DAB1: variants seen among roughly 807,000 people sequenced by gnomAD.
DAB1 encodes the protein disabled homolog 1.
DAB1 carries 15 observed loss-of-function variants against 64.6 expected under a neutral mutation model. That is an observed-to-expected ratio of 0.23 (90% confidence interval 0.16 to 0.36). The LOEUF (loss-of-function observed/expected upper bound fraction) is 0.36, where lower values mean the gene tolerates loss of function less well. Ranked by LOEUF, DAB1 falls within the 10% of genes least tolerant of loss-of-function variation. The pLI is 1.00. For missense variants in DAB1, 596 were observed against 706.7 expected (o/e 0.84, Z 1.78); for synonymous variants, 235 against 251.9 (o/e 0.93, Z 0.64).
downstream of DAB1, among the ~76,000 whole-genome samples, chr1:57,824,159 C>T (rs1441292634): frequency 1.3e-5 from 2 of 152,178 alleles, no homozygotes; most frequent in Middle Eastern, 3.2e-3. Flanking sequence ...GAGCTGAAGG[C>T]AGGAAGTTTA....
intron 5 of DAB1, among the ~76,000 whole-genome samples, chr1:58,053,352 G>A (rs894581487): frequency 2.6e-5 from 4 of 152,134 alleles, no homozygotes; most frequent in Admixed American, 6.5e-5. Context: ...GGCTGCTTCC[G>A]CACATGGCAG....
chr1:57,345,035 G>A (rs1397800614), intron 1 of DAB1, among the ~76,000 whole-genome samples: 1 of 152,160 alleles, frequency 6.6e-6, no homozygotes, highest in Non-Finnish European at 1.5e-5. Flanking sequence ...TGTTTATCTG[G>A]ATGCTCCTGG....
At chr1:57,634,022 C>T (rs983101650) in intron 7 of DAB1, among the ~76,000 whole-genome samples, 2 of 152,180 alleles carry the variant, frequency 1.3e-5, no homozygotes, top group Admixed American at 6.5e-5. Context: ...CCATGGCTGG[C>T]GCATCCTGGA....
At chr1:57,565,812 C>T (rs1645112987) in intron 7 of DAB1, among the ~76,000 whole-genome samples, 1 of 152,102 alleles carries the variant, frequency 6.6e-6, no homozygotes, top group African/African-American at 2.4e-5. Context: ...TTAAGACTCC[C>T]ACACAATAAT....
At chr1:57,595,100 C>G (rs1419256939) in intron 7 of DAB1, among the ~76,000 whole-genome samples, 1 of 152,024 alleles carries the variant, frequency 6.6e-6, no homozygotes, top group Non-Finnish European at 1.5e-5. Flanking sequence ...CTACCCACTT[C>G]CATTAAGTAA....
intron 4 of DAB1, among the ~76,000 whole-genome samples, chr1:57,129,079 G>A (rs1392355810): frequency 6.6e-6 from 1 of 152,118 alleles, no homozygotes; most frequent in Non-Finnish European, 1.5e-5. Flanking sequence ...GCATGTAAAA[G>A]CAACTAGCTT....
chr1:58,419,504 G>A lies in DAB1; in HGVS notation n.258-76101C>T, dbSNP rs111694368. Among the ~76,000 whole-genome samples the A allele has an allele frequency of 1.6e-3, 237 of 152,198 alleles. 1 individual carries two copies. The highest frequency in any genetic ancestry group is 5.5e-3 in the African/African-American group (227 of 41,512). ...GAATAAACCACTCTCATTTCAATGT[G>A]AAGTATACTTTACTGGAAGTCAAGA... is the stretch of plus-strand genomic sequence containing the variant. On this transcript the variant is annotated intron_variant and non_coding_transcript_variant, in intron 3 of 20. Transcript: ENST00000485760.
intron 1 of DAB1, among the ~76,000 whole-genome samples, chr1:57,365,355 A>T (rs1305597997): frequency 7.0e-6 from 1 of 143,576 alleles, no homozygotes; most frequent in African/African-American, 2.5e-5. Context: ...ATATATATTT[A>T]TATATTATAT....
intron 6 of DAB1, among the ~76,000 whole-genome samples, chr1:57,811,175 G>A (rs1651601091): frequency 6.6e-6 from 1 of 152,214 alleles, no homozygotes; most frequent in Non-Finnish European, 1.5e-5. Flanking sequence ...TCTGCAAAGT[G>A]TCTTTTGCCC....
Position 58,538,978 on chromosome 1 carries a change from C to T in DAB1, n.32+7725G>A, listed in dbSNP as rs753023200. The T allele has an allele frequency of 1.3e-5, 11 of 872,664 alleles. No homozygotes were observed. The South Asian group carries it at 1.3e-4, about 10-fold the overall frequency. The allele number at this position is 872,664 out of a possible 1,614,324, so 54.1% of individuals were successfully genotyped here. ...TGTAACTTCTTTTATTAGCAGCTGT[C>T]TTGAAAAAGCATCATTCCATACAGT... On this transcript the variant is annotated intron_variant and non_coding_transcript_variant, in intron 1 of 20. Transcript: ENST00000485760.
intron 4 of DAB1, among the ~76,000 whole-genome samples, chr1:58,151,198 G>A (rs1261487093): frequency 6.6e-6 from 1 of 152,198 alleles, no homozygotes; most frequent in South Asian, 2.1e-4. Flanking sequence ...AATCCTTTGG[G>A]TATATGCCCA....
At chr1:57,391,429 C>T (rs1570433455) in intron 1 of DAB1, among the ~76,000 whole-genome samples, 1 of 152,118 alleles carries the variant, frequency 6.6e-6, no homozygotes, top group African/African-American at 2.4e-5. Context: ...GCAATTGAGT[C>T]ATGTTAACCT....
At chr1:58,201,020 T>TTG (rs906519360) in intron 4 of DAB1, among the ~76,000 whole-genome samples, 10 of 140,904 alleles carry the variant, frequency 7.1e-5, no homozygotes, top group African/African-American at 2.7e-4. Context: ...TTTGTTTGTT[T>TTG]TGTTTTTTTT....
intron 7 of DAB1, among the ~76,000 whole-genome samples, chr1:57,488,616 C>A (rs974541295): frequency 6.6e-6 from 1 of 151,568 alleles, no homozygotes; most frequent in Non-Finnish European, 1.5e-5. Context: ...GTGGAGGTTG[C>A]GGTGAGCCAA....
chr1:57,574,889 G>T (rs933596072), intron 7 of DAB1, among the ~76,000 whole-genome samples: 3 of 152,186 alleles, frequency 2.0e-5, no homozygotes, highest in African/African-American at 7.2e-5. Flanking sequence ...CTTTAGGACT[G>T]ATGGGCAGGG....
intron 4 of DAB1, among the ~76,000 whole-genome samples, chr1:57,122,733 C>G (rs1656773366): frequency 6.6e-6 from 1 of 152,092 alleles, no homozygotes; most frequent in Non-Finnish European, 1.5e-5. Flanking sequence ...TTCAATAAAC[C>G]TGTTCTCCAT....
chr1:57,412,984 A>G (rs915840215), intron 1 of DAB1, among the ~76,000 whole-genome samples: 2 of 152,206 alleles, frequency 1.3e-5, no homozygotes, highest in Non-Finnish European at 2.9e-5. Context: ...CAAAGCTTCA[A>G]AAGACAGACT....
intron 9 of DAB1, among the ~76,000 whole-genome samples, chr1:57,055,871 G>T (rs1211476143): frequency 1.3e-5 from 2 of 152,152 alleles, no homozygotes; most frequent in Admixed American, 6.5e-5. Context: ...AGTCTAGATA[G>T]AAGTGAATCC....
chr1:58,230,689 T>A (rs1037230585), intron 4 of DAB1, among the ~76,000 whole-genome samples: 1 of 152,140 alleles, frequency 6.6e-6, no homozygotes, highest in African/African-American at 2.4e-5. Flanking sequence ...TCCTGAAAAA[T>A]CACTGCTTCG....
Sources: allele counts gnomAD v4.1 joint callset (sites outside exome capture counted in the v4.1 genomes callset), GRCh38; gene constraint gnomAD v4.1.1; transcripts MANE v1.5; gene names NCBI Gene and HGNC (gene_info 2026-07-23, HGNC 2026-07-21).